The following DNAAF1 variants were observed in gnomAD, a reference collection of about 807,000 sequenced individuals.
DNAAF1 encodes the protein dynein assembly factor 1, axonemal.
DNAAF1 carries 65 observed loss-of-function variants against 71.1 expected under a neutral mutation model. The observed-to-expected ratio is 0.91, with a 90% CI of 0.75 to 1.12. The LOEUF (loss-of-function observed/expected upper bound fraction) is 1.12, where lower values mean the gene tolerates loss of function less well. Among genes scored for constraint, DNAAF1 ranks in the 50% most tolerant of loss-of-function variants. The pLI is 0.00. For missense variants in DNAAF1, 1,178 were observed against 899.8 expected (o/e 1.31, Z -3.96); for synonymous variants, 414 against 354.6 (o/e 1.17, Z -1.88).
chr16:84,176,544 T>C, intron 11 of DNAAF1: 1 of 577,420 alleles, frequency 1.7e-6, no homozygotes, highest in Non-Finnish European at 3.1e-6. Context: ...CAGCCGAGTC[T>C]GACTGTGTGT....
At chr16:84,161,796 A>G (rs1482477212) in intron 6 of DNAAF1, among the ~76,000 whole-genome samples, 1 of 151,922 alleles carries the variant, frequency 6.6e-6, no homozygotes, top group Non-Finnish European at 1.5e-5. Context: ...TGACCTATCT[A>G]AATAGTACCT....
chr16:84,160,364 GT>G (rs1364087890), intron 6 of DNAAF1, among the ~76,000 whole-genome samples: 5 of 152,136 alleles, frequency 3.3e-5, no homozygotes, highest in Admixed American at 6.5e-5. Flanking sequence ...TTACCGATTT[GT>G]AAGGGCTTCT....
At chr16:84,169,494 A>T (rs992713268) in intron 7 of DNAAF1, among the ~76,000 whole-genome samples, 3 of 151,702 alleles carry the variant, frequency 2.0e-5, no homozygotes, top group African/African-American at 7.3e-5. Flanking sequence ...ATCTTGGCTC[A>T]CTGCAGCCTC....
chr16:84,168,654 A>G (rs1417204112), intron 7 of DNAAF1, among the ~76,000 whole-genome samples: 1 of 151,958 alleles, frequency 6.6e-6, no homozygotes, highest in African/African-American at 2.4e-5. Context: ...TACTATAACT[A>G]TTTTCCATAC....
chr16:84,164,042 C>T (rs1389841566), intron 6 of DNAAF1, among the ~76,000 whole-genome samples: 1 of 151,964 alleles, frequency 6.6e-6, no homozygotes, highest in Non-Finnish European at 1.5e-5. Context: ...TGGGCTCAAG[C>T]CATCTGCCCA....
chr16:84,174,525 G>A, intron 9 of DNAAF1, 144 bp from the exon 10 acceptor site: 3 of 1,549,986 alleles, frequency 1.9e-6, no homozygotes, highest in Non-Finnish European at 2.6e-6. Context: ...CCTTTTGGTG[G>A]GGAACAGGCA....
At chr16:84,161,955 C>A (rs111732535) in intron 6 of DNAAF1, among the ~76,000 whole-genome samples, 1,808 of 152,188 alleles carry the variant, frequency 0.012, 44 homozygotes, top group African/African-American at 0.042. Flanking sequence ...ACTGCTGGGT[C>A]CCCAGCCTCT....
At chr16:84,148,394 C>T in intron 1 of DNAAF1, among the ~76,000 whole-genome samples, 1 of 151,750 alleles carries the variant, frequency 6.6e-6, no homozygotes, top group East Asian at 1.9e-4. Context: ...TGTAACCAGC[C>T]CCTATGGATG....
chr16:84,154,747 C>G lies in DNAAF1; in HGVS notation c.523C>G (p.Leu175Val), dbSNP rs777184857. 1.4e-5 allele frequency: 23 copies of G among 1,614,162 alleles called. No homozygotes were observed. The South Asian group carries it at 2.3e-4, about 16-fold the overall frequency. ...TGAGAACCTGGAACCTCTGCAGAAA[C>G]TGGATGCTCTTAACCTCAGCAACAA... ...KIENLEPLQK[L>V]DALNLSNNYI... The change falls in exon 4 of 12, where the codon CTG (leucine) becomes GTG (valine). Residue 175 changes from leucine (L) to valine (V), a missense_variant. Coordinates refer to ENST00000378553, the MANE Select transcript of DNAAF1 (RefSeq NM_178452.6).
intron 7 of DNAAF1, 105 bp from the exon 8 acceptor site, chr16:84,169,754 C>T: frequency 7.2e-6 from 11 of 1,530,658 alleles, no homozygotes; most frequent in Non-Finnish European, 9.9e-6. Context: ...TGTTCCTGAC[C>T]TTTTCCCTGG....
chr16:84,176,333 A>C (rs1390815923), intron 11 of DNAAF1, 34 bp downstream of exon 11: 2 of 1,612,218 alleles, frequency 1.2e-6, no homozygotes, highest in Non-Finnish European at 1.7e-6. Context: ...CAGTGGAGAC[A>C]ATGTTGGCTC....
chr16:84,145,623 A>G, intron 1 of DNAAF1, 59 bp downstream of exon 1: 1 of 1,530,376 alleles, frequency 6.5e-7, no homozygotes, highest in Admixed American at 2.0e-5. Context: ...TAGGCGCTCC[A>G]GCCCCCTTCC....
At chr16:84,164,384 C>T (rs1043419302) in intron 6 of DNAAF1, among the ~76,000 whole-genome samples, 2 of 152,184 alleles carry the variant, frequency 1.3e-5, no homozygotes, top group Non-Finnish European at 2.9e-5. Context: ...AATAGTTTTA[C>T]TGCCCTAAAA....
At chr16:84,153,950 C>T (rs1000032474) in intron 3 of DNAAF1, among the ~76,000 whole-genome samples, 2 of 152,078 alleles carry the variant, frequency 1.3e-5, no homozygotes, top group African/African-American at 4.8e-5. Context: ...CCAGTCTTTT[C>T]AGCAAGACCC....
At chr16:84,167,335 G>A (rs1468025049) in intron 7 of DNAAF1, among the ~76,000 whole-genome samples, 2 of 152,170 alleles carry the variant, frequency 1.3e-5, no homozygotes, top group Non-Finnish European at 2.9e-5. Context: ...CAACTTGGAA[G>A]CTCTCTGAAC....
intron 7 of DNAAF1, among the ~76,000 whole-genome samples, chr16:84,168,827 T>TACACGC (rs145304597): frequency 4.1e-5 from 6 of 145,996 alleles, no homozygotes; most frequent in Non-Finnish European, 6.0e-5. Flanking sequence ...ATTTGCCACA[T>TACACGC]ACACACACAC....
rs1441002883 is a variant in DNAAF1, at chr16:84,145,472, G to C, written c.32G>C (p.Gly11Ala). The change falls in exon 1 of 12, where the codon GGT (glycine) becomes GCT (alanine). Residue 11 changes from glycine (G) to alanine (A), a missense_variant. Coordinates refer to ENST00000378553, the MANE Select transcript of DNAAF1 (RefSeq NM_178452.6). ...CCTGAGCCCTCGGAGCCTGCGACAG[G>C]TGGTGCAGCAGAGCTGGATTGCGCG... is the stretch of plus-strand genomic sequence containing the variant. The part of the protein sequence containing the change: MHPEPSEPAT[G>A]GAAELDCAQE... 6.3e-7 allele frequency: 1 copy of C among 1,578,130 alleles called. No homozygotes were observed. The highest frequency in any genetic ancestry group is 8.6e-7 in the Non-Finnish European group (1 of 1,162,294).
At chr16:84,166,525 T>C (rs1381237991) in intron 7 of DNAAF1, among the ~76,000 whole-genome samples, 1 of 151,982 alleles carries the variant, frequency 6.6e-6, no homozygotes, top group Non-Finnish European at 1.5e-5. Flanking sequence ...TGCACCACCA[T>C]GCTTAGCTAA....
intron 6 of DNAAF1, among the ~76,000 whole-genome samples, chr16:84,165,386 A>T (rs937543267): frequency 6.6e-6 from 1 of 151,934 alleles, no homozygotes; most frequent in African/African-American, 2.4e-5. Flanking sequence ...GGGTTTTGCT[A>T]TGTTGCCCAG....
Sources: allele counts gnomAD v4.1 joint callset (sites outside exome capture counted in the v4.1 genomes callset), GRCh38; gene constraint gnomAD v4.1.1; transcripts MANE v1.5; gene names NCBI Gene and HGNC (gene_info 2026-07-23, HGNC 2026-07-21).